UNC13C: variants seen among roughly 807,000 people sequenced by gnomAD.
UNC13C encodes unc-13 homolog C.
UNC13C carries 174 observed loss-of-function variants against 245.4 expected under a neutral mutation model. The observed-to-expected ratio is 0.71, with a 90% CI of 0.63 to 0.80. The LOEUF is 0.80. UNC13C is among the 30% of genes least tolerant of loss of function. UNC13C has a pLI of 0.00. For synonymous variants in UNC13C, 992 were observed against 895.1 expected (o/e 1.11, Z -1.93); for missense variants, 2,829 against 2,602.9 (o/e 1.09, Z -1.89).
At chr15:54,484,085 A>C (rs1245633606) in intron 19 of UNC13C, among the ~76,000 whole-genome samples, 1 of 151,664 alleles carries the variant, frequency 6.6e-6, no homozygotes, top group Non-Finnish European at 1.5e-5. Flanking sequence ...CTTCCCTGAA[A>C]AAAAAAAACC....
intron 7 of UNC13C, among the ~76,000 whole-genome samples, chr15:54,243,153 G>A (rs369365147): frequency 2.8e-4 from 23 of 82,478 alleles, no homozygotes; most frequent in African/African-American, 1.0e-3. Context: ...CACCCCGACA[G>A]GCCCCATTGT....
intron 8 of UNC13C, among the ~76,000 whole-genome samples, chr15:54,253,093 C>T (rs1222200789): frequency 6.6e-6 from 1 of 152,190 alleles, no homozygotes; most frequent in Non-Finnish European, 1.5e-5. Flanking sequence ...TACAGTCTAT[C>T]AACACACACA....
intron 30 of UNC13C, among the ~76,000 whole-genome samples, chr15:54,609,723 G>T (rs778164073): frequency 9.2e-5 from 14 of 152,130 alleles, no homozygotes; most frequent in Non-Finnish European, 1.6e-4. Context: ...TGAGTAATAT[G>T]CATGTAATTG....
chr15:54,087,012 A>G (rs1444290038), intron 2 of UNC13C, among the ~76,000 whole-genome samples: 2 of 151,470 alleles, frequency 1.3e-5, no homozygotes, highest in Non-Finnish European at 2.9e-5. Flanking sequence ...GGGATTACAG[A>G]CGTGAGCCAC....
intron 4 of UNC13C, among the ~76,000 whole-genome samples, chr15:54,150,463 T>C (rs2032467828): frequency 6.6e-6 from 1 of 152,224 alleles, no homozygotes; most frequent in Admixed American, 6.5e-5. Flanking sequence ...GCACATAATG[T>C]CCTATGCACA....
At chr15:54,205,153 C>A (rs1055682331) in intron 4 of UNC13C, among the ~76,000 whole-genome samples, 6 of 151,892 alleles carry the variant, frequency 4.0e-5, no homozygotes, top group Non-Finnish European at 5.9e-5. Context: ...TAAATCATAT[C>A]TTGGGTCAGG....
the UNC13C span, among the ~76,000 whole-genome samples, chr15:53,919,120 AG>A: frequency 6.6e-6 from 1 of 152,172 alleles, no homozygotes; most frequent in South Asian, 2.1e-4. Context: ...ATAGTACTGC[AG>A]AGTAATGCTT....
the UNC13C span, among the ~76,000 whole-genome samples, chr15:53,939,539 G>T: frequency 6.6e-6 from 1 of 152,048 alleles, no homozygotes; most frequent in Non-Finnish European, 1.5e-5. Flanking sequence ...AACAGAAAAC[G>T]AAAACTTCAG....
intron 29 of UNC13C, among the ~76,000 whole-genome samples, chr15:54,561,796 G>A (rs1057322283): frequency 2.0e-5 from 3 of 152,000 alleles, no homozygotes; most frequent in Non-Finnish European, 4.4e-5. Context: ...GTTCAAGATT[G>A]TAGCCAGAGA....
At chr15:54,220,452 A>T (rs372946424) in intron 4 of UNC13C, among the ~76,000 whole-genome samples, 738 of 68,104 alleles carry the variant, frequency 0.011, no homozygotes, top group Non-Finnish European at 0.012. Context: ...GTTGTGGGGT[A>T]GGGGGAGGGG....
rs150666482 is a variant in UNC13C at position 53,992,138 on chromosome 15, G to C, written c.-257+13211G>C. Reference sequence around the variant, plus strand: ...CATGCCTCCTATGGGTCCTTGCCAGGTGTTAAATTTAATATCACTGGAGAA... The same window carrying C: ...CATGCCTCCTATGGGTCCTTGCCAGCTGTTAAATTTAATATCACTGGAGAA... On this transcript the variant is annotated intron_variant, in intron 1 of 32. Transcript: ENST00000260323. Among the ~76,000 whole-genome samples the C allele has an allele frequency of 6.4e-4, 97 of 152,086 alleles. 1 individual carries two copies. The East Asian group carries it at 0.018, about 28-fold the overall frequency.
chr15:54,142,648 G>A (rs773185877), intron 2 of UNC13C, among the ~76,000 whole-genome samples: 13 of 152,174 alleles, frequency 8.5e-5, no homozygotes, highest in Non-Finnish European at 1.8e-4. Flanking sequence ...TTGTATTTCA[G>A]AGTTGGATCT....
intron 18 of UNC13C, among the ~76,000 whole-genome samples, chr15:54,413,157 T>C (rs2140947752): frequency 6.6e-6 from 1 of 152,228 alleles, no homozygotes; most frequent in Non-Finnish European, 1.5e-5. Flanking sequence ...TTATATATTG[T>C]GAGATTAAAT....
chr15:53,848,841 G>T, the UNC13C span, among the ~76,000 whole-genome samples: 1 of 151,160 alleles, frequency 6.6e-6, no homozygotes, highest in African/African-American at 2.4e-5. Flanking sequence ...CTTTTTTATT[G>T]TATTTTTATA....
intron 30 of UNC13C, among the ~76,000 whole-genome samples, chr15:54,604,304 T>C (rs1490197574): frequency 6.6e-6 from 1 of 152,224 alleles, no homozygotes; most frequent in African/African-American, 2.4e-5. Flanking sequence ...ATATGTTTAG[T>C]TGTGCATCTA....
rs1430730664 is a variant in UNC13C, at chr15:54,349,400, T to C, written c.4713+10911T>C. Among the ~76,000 whole-genome samples, 4 of 151,962 alleles carry C rather than the reference T, an allele frequency of 2.6e-5. No individual in the cohort carries two copies. In the East Asian group the frequency reaches 5.8e-4, roughly 22 times the overall value. On this transcript the variant is annotated intron_variant, in intron 17 of 32. Coordinates refer to ENST00000260323, the MANE Select transcript of UNC13C (RefSeq NM_001080534.3). ...AATAAAGTAAAAAATGAAACCATAA[T>C]AAATTCTGAAAATATCAATAACATA...
At chr15:54,626,466 G>A (rs547215491) in intron 32 of UNC13C, among the ~76,000 whole-genome samples, 9 of 149,578 alleles carry the variant, frequency 6.0e-5, no homozygotes, top group Non-Finnish European at 1.2e-4. Flanking sequence ...GGTAAAGTGC[G>A]AGTAGTAACT....
rs185841421 is a variant in UNC13C, at chr15:54,363,078, A to G, written c.4713+24589A>G. Among the ~76,000 whole-genome samples, 5 of 152,306 alleles carry G rather than the reference A, an allele frequency of 3.3e-5. No individual in the cohort carries two copies. In the East Asian group the frequency reaches 9.7e-4, roughly 29 times the overall value. On this transcript the variant is annotated intron_variant, in intron 17 of 32. Transcript: ENST00000260323. ...CTGAAAACTGAAGCAACCATAACCA[A>G]TCACAGTGCTGAGCTAATCACAAGG... is the stretch of plus-strand genomic sequence containing the variant.
chr15:54,344,614 T>C (rs2038817405), intron 17 of UNC13C, among the ~76,000 whole-genome samples: 1 of 152,134 alleles, frequency 6.6e-6, no homozygotes, highest in African/African-American at 2.4e-5. Context: ...GGGTTAATGC[T>C]CTCTCGAGCC....
Sources: gnomAD v4.1 joint callset for allele counts (sites outside exome capture counted in the v4.1 genomes callset) on GRCh38, gnomAD v4.1.1 for gene constraint, MANE v1.5 for transcripts, NCBI Gene and HGNC (gene_info 2026-07-23, HGNC 2026-07-21) for gene names.